Variants in RFX3 observed in about 807,000 individuals in gnomAD.
RFX3 encodes regulatory factor X3.
Under a neutral mutation model 98.6 loss-of-function variants are expected in RFX3, and 14 were observed. That is an observed-to-expected ratio of 0.14 (90% CI 0.09 to 0.22). The LOEUF (loss-of-function observed/expected upper bound fraction) is 0.22. Among genes scored for constraint, RFX3 ranks in the 10% least tolerant of loss-of-function variants. The probability of loss-of-function intolerance (pLI) is 1.00; values close to 1 mark genes in which losing one functional copy is unlikely to be tolerated. For missense variants in RFX3, 639 were observed against 926.9 expected (o/e 0.69, Z 4.03); for synonymous variants, 383 against 328.4 (o/e 1.17, Z -1.80).
chr9:3,402,789 GAC>G (rs1286801911), intron 1 of RFX3, among the ~76,000 whole-genome samples: 1 of 151,528 alleles, frequency 6.6e-6, no homozygotes. Context: ...TTAAAATTAA[GAC>G]AACTAAAATG....
intron 1 of RFX3, among the ~76,000 whole-genome samples, chr9:3,430,892 G>C (rs918697240): frequency 2.0e-5 from 3 of 152,012 alleles, no homozygotes; most frequent in African/African-American, 7.2e-5. Flanking sequence ...GTACTAGTCT[G>C]TTTTATCATT....
At chr9:3,389,293 A>C (rs1840040693) in intron 2 of RFX3, among the ~76,000 whole-genome samples, 1 of 152,170 alleles carries the variant, frequency 6.6e-6, no homozygotes, top group Non-Finnish European at 1.5e-5. Flanking sequence ...ATAATCTACA[A>C]GAAACTCTTT....
chr9:3,346,200 A>T (rs74557692), intron 3 of RFX3, among the ~76,000 whole-genome samples: 9,224 of 152,278 alleles, frequency 0.061, 934 homozygotes, highest in African/African-American at 0.21. Flanking sequence ...ATAGGAAAGT[A>T]ACATTTATTA....
chr9:3,383,049 C>T, intron 2 of RFX3, among the ~76,000 whole-genome samples: 1 of 152,074 alleles, frequency 6.6e-6, no homozygotes, highest in Non-Finnish European at 1.5e-5. Context: ...AAATGTTCTT[C>T]TTTTAATACA....
chr9:3,259,177 T>G (rs560968777), intron 13 of RFX3, among the ~76,000 whole-genome samples: 2 of 152,116 alleles, frequency 1.3e-5, no homozygotes, highest in South Asian at 4.1e-4. Context: ...TTTGTTTGTT[T>G]GCACGTTGAT....
chr9:3,409,951 T>C (rs1028391205), intron 1 of RFX3, among the ~76,000 whole-genome samples: 2 of 152,076 alleles, frequency 1.3e-5, no homozygotes, highest in African/African-American at 4.8e-5. Flanking sequence ...TAATAGGCTA[T>C]GGTTAATAGG....
At position 3,231,103 on chromosome 9, in the gene RFX3, C is replaced by T. The variant is rs535668589; in HGVS notation, c.1969-2214G>A. Among the ~76,000 whole-genome samples, 76 of 152,176 alleles carry T rather than the reference C, an allele frequency of 5.0e-4. No homozygotes were observed. In the Middle Eastern group the frequency reaches 0.01, roughly 20 times the overall value. ...AAAAATCCAGTTACATACTAAATTC[C>T]GAGGCTTGTCATTATGCACTATGGG... On this transcript the variant is annotated intron_variant, in intron 15 of 16. Transcript: ENST00000617270.
intron 1 of RFX3, 102 bp from the exon 2 acceptor site, chr9:3,395,698 C>G (rs1564041051): frequency 1.7e-6 from 2 of 1,166,998 alleles, no homozygotes; most frequent in Non-Finnish European, 2.5e-6. Flanking sequence ...TAACTTTCAA[C>G]TCTCATACCT....
At chr9:3,270,336 A>ACAAAAG (rs1470250329) in intron 11 of RFX3, 35 bp downstream of exon 11, 1 of 1,583,388 alleles carries the variant, frequency 6.3e-7, no homozygotes, top group Non-Finnish European at 8.6e-7. Flanking sequence ...ATGTATGAGA[A>ACAAAAG]CAAAAGCATC....
intron 1 of RFX3, among the ~76,000 whole-genome samples, chr9:3,507,235 CCACT>C (rs899979537): frequency 6.6e-5 from 10 of 151,796 alleles, no homozygotes; most frequent in Non-Finnish European, 1.2e-4. Context: ...AAGTTAGGGA[CCACT>C]CAAATTTTAG....
At chr9:3,521,275 G>A (rs1450055617) in intron 1 of RFX3, among the ~76,000 whole-genome samples, 1 of 152,126 alleles carries the variant, frequency 6.6e-6, no homozygotes, top group Non-Finnish European at 1.5e-5. Flanking sequence ...ACTAATGCCA[G>A]ACAGTGCCAA....
chr9:3,480,877 T>A (rs1005964224), intron 1 of RFX3, among the ~76,000 whole-genome samples: 2 of 152,072 alleles, frequency 1.3e-5, no homozygotes, highest in African/African-American at 4.8e-5. Context: ...TATAAGGAAA[T>A]ATTATTTAGC....
rs1817461758 is a variant in RFX3, at chr9:3,223,393, C to T, written c.*1649G>A. 1 of 152,160 alleles carries T rather than the reference C, an allele frequency of 6.6e-6. No individual in the cohort carries two copies. The highest frequency in any genetic ancestry group is 2.4e-5 in the African/African-American group (1 of 41,438). The allele number at this position is 152,160 out of a possible 1,614,324, so 9.4% of individuals were successfully genotyped here. A position where few individuals can be genotyped will look rare whatever the true frequency, so the allele number is the denominator to read the frequency against. ...CACTCATGTGTCCATGTGGACTCAC[C>T]AGCACCTAGACACACAGACAAACAT... On this transcript the variant is annotated 3_prime_UTR_variant, in exon 17 of 17. Coordinates refer to ENST00000617270, the MANE Select transcript of RFX3 (RefSeq NM_001282116.2).
intron 5 of RFX3, among the ~76,000 whole-genome samples, chr9:3,294,064 C>A (rs1167776095): frequency 6.6e-6 from 1 of 152,102 alleles, no homozygotes; most frequent in Non-Finnish European, 1.5e-5. Context: ...CTTTAAAGCA[C>A]TGAATGTACA....
At chr9:3,424,272 G>A (rs554823941) in intron 1 of RFX3, among the ~76,000 whole-genome samples, 1 of 147,140 alleles carries the variant, frequency 6.8e-6, no homozygotes, top group Non-Finnish European at 1.5e-5. Flanking sequence ...AGATGTCTGT[G>A]AAAAATGTTC....
Position 3,292,982 on chromosome 9 carries a change from T to A in RFX3, c.731+95A>T, listed in dbSNP as rs114432305. 5.2e-3 allele frequency: 4,944 copies of A among 947,118 alleles called. 167 individuals carry two copies. In the African/African-American group the frequency reaches 0.072, roughly 14 times the overall value. 58.7% of individuals were successfully genotyped at this position (947,118 alleles called of 1,614,324 possible). ...TCATTCTATGTATTTCCTTATATAT[T>A]GTCTGTAATCAAGTACTTTTGTTTA... On this transcript the variant is annotated intron_variant, in intron 6 of 16. Transcript: ENST00000617270.
At chr9:3,265,827 T>G (rs113819971) in intron 12 of RFX3, among the ~76,000 whole-genome samples, 2,211 of 152,216 alleles carry the variant, frequency 0.015, 30 homozygotes, top group African/African-American at 0.035. Flanking sequence ...ATTTTAGAAA[T>G]AGAAAATTCC....
intron 1 of RFX3, among the ~76,000 whole-genome samples, chr9:3,498,882 G>A (rs1851297563): frequency 6.6e-6 from 1 of 152,058 alleles, no homozygotes; most frequent in Non-Finnish European, 1.5e-5. Context: ...AAAAGGGTAT[G>A]CTGTGCTTTC....
intron 6 of RFX3, among the ~76,000 whole-genome samples, chr9:3,291,329 G>T (rs1192901311): frequency 6.6e-6 from 1 of 151,920 alleles, no homozygotes; most frequent in African/African-American, 2.4e-5. Flanking sequence ...CTGAGATTGG[G>T]GCACTGCACT....
Sources: gnomAD v4.1 joint callset for allele counts (sites outside exome capture counted in the v4.1 genomes callset) on GRCh38, gnomAD v4.1.1 for gene constraint, MANE v1.5 for transcripts, NCBI Gene and HGNC (gene_info 2026-07-23, HGNC 2026-07-21) for gene names.